ATRX: variants seen among roughly 807,000 people sequenced by gnomAD.
ATRX encodes ATRX chromatin remodeler.
In ATRX, 12 loss-of-function variants were observed where a neutral mutation model predicts 172.6. The observed-to-expected ratio is 0.07, with a 90% CI of 0.04 to 0.11. The LOEUF (loss-of-function observed/expected upper bound fraction) is 0.11, where lower values mean the gene tolerates loss of function less well. Among genes scored for constraint, ATRX ranks in the 10% least tolerant of loss-of-function variants. ATRX has a pLI of 1.00. For missense variants in ATRX, 1,368 were observed against 1,767.4 expected (o/e 0.77, Z 4.05); for synonymous variants, 674 against 594.7 (o/e 1.13, Z -1.94).
rs1252107788 is a variant in ATRX at position 77,518,991 on chromosome X, A to C, written c.7200+1797T>G. ...AGACCCCAAGCTCTTGCCATATACA[A>C]CATTCAAATCAAAATGGATTAAAGA... On this transcript the variant is annotated intron_variant, in intron 34 of 34. Transcript: ENST00000373344. 7.1e-5 allele frequency among the ~76,000 whole-genome samples: 8 copies of C among 112,179 alleles called. No individual in the cohort carries two copies. The Admixed American group carries it at 7.6e-4, about 11-fold the overall frequency.
chrX:77,696,757 A>C, intron 4 of ATRX, 53 bp from the exon 5 acceptor site: 1 of 1,121,411 alleles, frequency 8.9e-7, no homozygotes. Flanking sequence ...AACTGGAACA[A>C]TACCCAAAGA....
At chrX:77,618,388 A>C (rs1557098108) in intron 21 of ATRX, among the ~76,000 whole-genome samples, 1 of 111,928 alleles carries the variant, frequency 8.9e-6, no homozygotes, top group Non-Finnish European at 1.9e-5. Context: ...GATTACTTTA[A>C]AAGTGGCTCC....
At chrX:77,516,931 T>G in intron 34 of ATRX, among the ~76,000 whole-genome samples, 1 of 111,624 alleles carries the variant, frequency 9.0e-6, no homozygotes, top group African/African-American at 3.2e-5. Context: ...AGAGGAATTT[T>G]TGAAACTATA....
chrX:77,648,854 A>G (rs1245256451), intron 15 of ATRX, among the ~76,000 whole-genome samples: 1 of 111,653 alleles, frequency 9.0e-6, no homozygotes, highest in Admixed American at 9.6e-5. Flanking sequence ...GAAAAGATCT[A>G]AATAGTTCTA....
intron 27 of ATRX, among the ~76,000 whole-genome samples, chrX:77,585,989 G>C (rs376290822): frequency 4.5e-5 from 5 of 111,544 alleles, no homozygotes; most frequent in African/African-American, 1.6e-4. Flanking sequence ...CCACAGGCTG[G>C]GAAGGGTAGT....
At chrX:77,785,837 C>A in intron 1 of ATRX, 145 bp downstream of exon 1, 5 of 877,300 alleles carry the variant, frequency 5.7e-6, no homozygotes, top group Non-Finnish European at 6.9e-6. Flanking sequence ...CCCCGAAACC[C>A]TTCTCACCTA....
At chrX:77,753,674 A>G (rs2075382400) in intron 1 of ATRX, among the ~76,000 whole-genome samples, 3 of 111,467 alleles carry the variant, frequency 2.7e-5, no homozygotes, top group Non-Finnish European at 5.6e-5. Flanking sequence ...CTTTGTTCTC[A>G]TTGGTTTCAA....
At chrX:77,604,598 T>C (rs1602762332) in intron 22 of ATRX, among the ~76,000 whole-genome samples, 1 of 111,838 alleles carries the variant, frequency 8.9e-6, no homozygotes, top group East Asian at 2.8e-4. Context: ...CTCAAAGAAC[T>C]AAAAATAGAA....
chrX:77,684,021 T>C lies in ATRX; in HGVS notation c.1235A>G (p.Asp412Gly). ...CATCGCTCGAAACTCGGAATTTAAGTCTTCTTCCAATGCAAGATGAGCCTT... is the reference window on the plus strand; with the variant it reads ...CATCGCTCGAAACTCGGAATTTAAGCCTTCTTCCAATGCAAGATGAGCCTT... Reference protein sequence around the residue: ...IKKAHLALEEDLNSEFRAMDA... With the variant: ...IKKAHLALEEGLNSEFRAMDA... The change falls in exon 9 of 35, where the codon GAC becomes GGC. Residue 412 changes from aspartate to glycine, a missense_variant. This residue lies in a region of ATRX where 843 missense variants were observed against 643.1 expected (regional missense o/e 1.31). Coordinates refer to ENST00000373344, the MANE Select transcript of ATRX (RefSeq NM_000489.6). 6 of 1,206,876 alleles carry C rather than the reference T, an allele frequency of 5.0e-6. No individual in the cohort carries two copies. Among genetic ancestry groups the C allele is most frequent in the Middle Eastern group, 2.3e-4 (1 of 4,338 alleles).
chrX:77,780,683 G>C (rs2076538738), intron 1 of ATRX, among the ~76,000 whole-genome samples: 1 of 108,008 alleles, frequency 9.3e-6, no homozygotes, highest in Admixed American at 9.8e-5. Context: ...GTTTACACCT[G>C]TAATCCCAGC....
chrX:77,597,244 GAT>G (rs2066497934), intron 25 of ATRX, among the ~76,000 whole-genome samples: 1 of 110,640 alleles, frequency 9.0e-6, no homozygotes, highest in Non-Finnish European at 1.9e-5. Flanking sequence ...CTATTCCCCT[GAT>G]TTCTTAAGAG....
At chrX:77,615,032 T>C (rs1557096033) in intron 22 of ATRX, among the ~76,000 whole-genome samples, 2 of 111,308 alleles carry the variant, frequency 1.8e-5, no homozygotes, top group South Asian at 7.5e-4. Flanking sequence ...AAGGTAGTGC[T>C]CTGTTGCCTA....
rs976088644 is a variant in ATRX at position 77,557,386 on chromosome X, A to G, written c.6699+65T>C. 2.9e-5 allele frequency: 30 copies of G among 1,032,099 alleles called. No individual in the cohort carries two copies. In the African/African-American group the frequency reaches 3.4e-4, roughly 12 times the overall value. 85.1% of individuals were successfully genotyped at this position (1,032,099 alleles called of 1,213,427 possible). A position where few individuals can be genotyped will look rare whatever the true frequency, so the allele number is the denominator to read the frequency against. On this transcript the variant is annotated intron_variant, in intron 30 of 34. Transcript: ENST00000373344. ...AGCCTTAATCAGATGACTAAATTTG[A>G]TATCAGTAGTAAAATTTCCTTAGTC...
chrX:77,674,836 T>A (rs1557132629), intron 10 of ATRX: 2 of 111,511 alleles, frequency 1.8e-5, no homozygotes, highest in African/African-American at 6.5e-5. Context: ...GTAAAATCCC[T>A]GATGAATAAA....
At chrX:77,782,595 A>G (rs782754333) in intron 1 of ATRX, among the ~76,000 whole-genome samples, 1 of 111,036 alleles carries the variant, frequency 9.0e-6, no homozygotes, top group Non-Finnish European at 1.9e-5. Context: ...TCTACTAAAA[A>G]TACAAAAATT....
chrX:77,560,897 G>GA (rs1257353276), intron 28 of ATRX, among the ~76,000 whole-genome samples: 13 of 111,616 alleles, frequency 1.2e-4, no homozygotes, highest in African/African-American at 4.2e-4. Flanking sequence ...GCATAAGGTT[G>GA]AAAATTAAAC....
chrX:77,549,206 G>T (rs782333501), intron 30 of ATRX, among the ~76,000 whole-genome samples: 2 of 111,294 alleles, frequency 1.8e-5, no homozygotes, highest in Non-Finnish European at 3.8e-5. Context: ...CCAACATGGA[G>T]AAAGCCCATC....
chrX:77,594,076 A>C, intron 25 of ATRX: 4 of 330,881 alleles, frequency 1.2e-5, no homozygotes, highest in East Asian at 4.9e-5. Flanking sequence ...AAGGAAGGAG[A>C]TGCCAAATAA....
chrX:77,515,547 G>A (rs782175143), intron 34 of ATRX, among the ~76,000 whole-genome samples: 4 of 110,888 alleles, frequency 3.6e-5, no homozygotes, highest in African/African-American at 6.6e-5. Context: ...CCCCTCATAC[G>A]GCATTCATTA....
Sources: gnomAD v4.1 joint callset for allele counts (sites outside exome capture counted in the v4.1 genomes callset) on GRCh38, gnomAD v4.1.1 for gene constraint, gnomAD v4.1.1 regional missense constraint, MANE v1.5 for transcripts, NCBI Gene and HGNC (gene_info 2026-07-23, HGNC 2026-07-21) for gene names.